TENM3: variants seen among roughly 807,000 people sequenced by gnomAD.
TENM3 encodes teneurin-3.
Under a neutral mutation model 255.1 loss-of-function variants are expected in TENM3, and 63 were observed. That is an observed-to-expected ratio of 0.25 (90% CI 0.20 to 0.30). The LOEUF (loss-of-function observed/expected upper bound fraction) is 0.30, where lower values mean the gene tolerates loss of function less well. Among genes scored for constraint, TENM3 ranks in the 10% least tolerant of loss-of-function variants. The pLI, the probability that TENM3 is intolerant of heterozygous loss-of-function variation, is 1.00. For missense variants in TENM3, 2,929 were observed against 3,461.1 expected (o/e 0.85, Z 3.86); for synonymous variants, 1,306 against 1,322.3 (o/e 0.99, Z 0.27).
intron 1 of TENM3, among the ~76,000 whole-genome samples, chr4:182,258,259 A>G (rs750422231): frequency 1.3e-5 from 2 of 152,156 alleles, no homozygotes; most frequent in Non-Finnish European, 1.5e-5. Context: ...TTAGTGGTAA[A>G]CAAATTTAAT....
At chr4:182,615,890 A>G (rs1385941645) in intron 4 of TENM3, among the ~76,000 whole-genome samples, 4 of 152,170 alleles carry the variant, frequency 2.6e-5, no homozygotes, top group Admixed American at 1.3e-4. Context: ...TCTTGAATTG[A>G]TTTTCTGATT....
chr4:182,446,277 T>C (rs1273813709), intron 3 of TENM3, among the ~76,000 whole-genome samples: 1 of 152,224 alleles, frequency 6.6e-6, no homozygotes, highest in Non-Finnish European at 1.5e-5. Context: ...TGGAACTAGA[T>C]ATACATGTAG....
At chr4:182,390,691 C>T (rs1768363762) in intron 3 of TENM3, among the ~76,000 whole-genome samples, 1 of 152,214 alleles carries the variant, frequency 6.6e-6, no homozygotes, top group Non-Finnish European at 1.5e-5. Flanking sequence ...CAGCCCGAGG[C>T]ACACTGCCGT....
chr4:182,064,317 G>A, the TENM3 span, among the ~76,000 whole-genome samples: 3 of 152,210 alleles, frequency 2.0e-5, no homozygotes, highest in Admixed American at 6.5e-5. Flanking sequence ...GGTGGCTCAC[G>A]CCTGTAATCC....
chr4:182,647,547 T>C (rs1752862118), intron 5 of TENM3, among the ~76,000 whole-genome samples: 1 of 152,232 alleles, frequency 6.6e-6, no homozygotes, highest in South Asian at 2.1e-4. Flanking sequence ...TTCTATAGCA[T>C]GTGACAATAT....
At chr4:182,591,427 A>T (rs190015462) in intron 3 of TENM3, among the ~76,000 whole-genome samples, 1 of 152,266 alleles carries the variant, frequency 6.6e-6, no homozygotes, top group East Asian at 1.9e-4. Context: ...TTTCTTTTGT[A>T]TCCTTTTATT....
intron 12 of TENM3, among the ~76,000 whole-genome samples, chr4:182,689,991 G>A (rs1366156885): frequency 6.6e-6 from 1 of 152,056 alleles, no homozygotes; most frequent in Admixed American, 6.5e-5. Context: ...ATTTTTATTG[G>A]GGCTTCTCCA....
At chr4:182,542,501 AAGGC>A (rs1397500211) in intron 3 of TENM3, among the ~76,000 whole-genome samples, 5 of 152,312 alleles carry the variant, frequency 3.3e-5, no homozygotes, top group Non-Finnish European at 7.3e-5. Context: ...AGCCAAGGTC[AAGGC>A]AGGCAGGTTT....
chr4:181,924,541 T>C, the TENM3 span, among the ~76,000 whole-genome samples: 153 of 152,372 alleles, frequency 1.0e-3, 1 homozygote, highest in African/African-American at 3.5e-3. Context: ...TATGTTATGC[T>C]ACTAGTCTAA....
At chr4:182,344,537 CAT>C (rs1347998609) in intron 2 of TENM3, among the ~76,000 whole-genome samples, 1 of 152,106 alleles carries the variant, frequency 6.6e-6, no homozygotes, top group Non-Finnish European at 1.5e-5. Flanking sequence ...TCCTTCACCT[CAT>C]AGATTTTTTG....
intron 3 of TENM3, among the ~76,000 whole-genome samples, chr4:182,584,754 C>T (rs751699764): frequency 1.3e-5 from 2 of 152,114 alleles, no homozygotes; most frequent in Non-Finnish European, 2.9e-5. Context: ...ACTCTCCTGC[C>T]TCAGCCTCCC....
the TENM3 span, among the ~76,000 whole-genome samples, chr4:181,793,456 C>G: frequency 6.6e-6 from 1 of 152,184 alleles, no homozygotes; most frequent in Non-Finnish European, 1.5e-5. Context: ...TATCTAAAAG[C>G]ATCAGGAGTC....
intron 20 of TENM3, 33 bp downstream of exon 20, chr4:182,752,065 T>G: frequency 7.7e-7 from 1 of 1,298,062 alleles, no homozygotes; most frequent in Non-Finnish European, 1.0e-6. Context: ...GGATTTCTTT[T>G]TATTTATTAA....
At chr4:181,554,380 A>T in the TENM3 span, among the ~76,000 whole-genome samples, 6 of 152,104 alleles carry the variant, frequency 3.9e-5, no homozygotes, top group Non-Finnish European at 8.8e-5. Context: ...CTTGTAACTC[A>T]CTCAGTTAGG....
At chr4:182,037,681 T>A in the TENM3 span, among the ~76,000 whole-genome samples, 1 of 152,184 alleles carries the variant, frequency 6.6e-6, no homozygotes, top group Non-Finnish European at 1.5e-5. Flanking sequence ...TTTCATACAT[T>A]TTTTCCTATG....
intron 4 of TENM3, 46 bp from the exon 5 acceptor site, chr4:182,628,605 A>C: frequency 7.9e-7 from 1 of 1,264,006 alleles, no homozygotes; most frequent in Non-Finnish European, 1.1e-6. Context: ...TGTCTCTTGT[A>C]TCGTAACATA....
At chr4:182,228,847 A>G (rs1349141377) in intron 1 of TENM3, among the ~76,000 whole-genome samples, 2 of 152,144 alleles carry the variant, frequency 1.3e-5, no homozygotes, top group African/African-American at 4.8e-5. Flanking sequence ...TATAATGACT[A>G]AAAGGACTGT....
the TENM3 span, among the ~76,000 whole-genome samples, chr4:181,453,201 A>G: frequency 6.6e-6 from 1 of 152,178 alleles, no homozygotes; most frequent in Admixed American, 6.5e-5. Context: ...AAATGAGGCC[A>G]TGGGTATTAA....
intron 1 of TENM3, among the ~76,000 whole-genome samples, chr4:182,262,401 T>G (rs1024005700): frequency 1.3e-5 from 2 of 152,066 alleles, no homozygotes; most frequent in Admixed American, 1.3e-4. Flanking sequence ...GATAGGAGAT[T>G]GGCACAAAAT....
Sources: allele counts gnomAD v4.1 joint callset (sites outside exome capture counted in the v4.1 genomes callset), GRCh38; gene constraint gnomAD v4.1.1; transcripts MANE v1.5; gene names NCBI Gene and HGNC (gene_info 2026-07-23, HGNC 2026-07-21).